RABGAP1L: variants seen among roughly 807,000 people sequenced by gnomAD.
RABGAP1L encodes the protein rab GTPase-activating protein 1-like.
RABGAP1L carries 63 observed loss-of-function variants against 137.7 expected under a neutral mutation model. The observed-to-expected ratio is 0.46, with a 90% CI of 0.37 to 0.56. The LOEUF is 0.56. RABGAP1L is among the 20% of genes least tolerant of loss of function. RABGAP1L has a pLI of 0.00. For missense variants in RABGAP1L, 1,095 were observed against 1,244.0 expected, an observed-to-expected ratio of 0.88 and a Z score of 1.80; for synonymous variants, 431 against 433.7, an observed-to-expected ratio of 0.99 and a Z score of 0.08.
intron 18 of RABGAP1L, among the ~76,000 whole-genome samples, chr1:174,772,500 G>A (rs1238935665): frequency 1.3e-5 from 2 of 148,762 alleles, no homozygotes; most frequent in Non-Finnish European, 3.0e-5. Context: ...CCCGGGAGGC[G>A]GAGCTTGTGG....
chr1:174,625,201 A>G (rs1672855229), intron 13 of RABGAP1L, among the ~76,000 whole-genome samples: 1 of 151,896 alleles, frequency 6.6e-6, no homozygotes, highest in Non-Finnish European at 1.5e-5. Context: ...ATTACTTTTT[A>G]CTAACCAATC....
At chr1:174,438,595 G>C (rs1653711434) in intron 13 of RABGAP1L, among the ~76,000 whole-genome samples, 1 of 151,268 alleles carries the variant, frequency 6.6e-6, no homozygotes, top group Admixed American at 6.6e-5. Flanking sequence ...GTGGGCACCT[G>C]TAATCCCAGC....
intron 15 of RABGAP1L, among the ~76,000 whole-genome samples, chr1:174,696,914 A>G (rs1679303065): frequency 1.3e-5 from 2 of 151,966 alleles, no homozygotes; most frequent in Admixed American, 6.6e-5. Context: ...TTGAGGGAGG[A>G]TGATTGCTGA....
At chr1:174,191,471 T>G (rs1667205232) in intron 1 of RABGAP1L, among the ~76,000 whole-genome samples, 1 of 152,226 alleles carries the variant, frequency 6.6e-6, no homozygotes, top group African/African-American at 2.4e-5. Flanking sequence ...AGTCAGATCA[T>G]GAAACATTGC....
intron 19 of RABGAP1L, among the ~76,000 whole-genome samples, chr1:174,864,494 GTTC>G (rs549051179): frequency 5.3e-4 from 81 of 152,336 alleles, no homozygotes; most frequent in African/African-American, 1.9e-3. Context: ...AAGCAAACAT[GTTC>G]TTCTTCACAT....
intron 14 of RABGAP1L, among the ~76,000 whole-genome samples, chr1:174,644,298 C>A (rs763040847): frequency 6.6e-6 from 1 of 151,848 alleles, no homozygotes; most frequent in Non-Finnish European, 1.5e-5. Context: ...AAGAGCTTTC[C>A]TTGAAATAGC....
intron 11 of RABGAP1L, among the ~76,000 whole-genome samples, chr1:174,349,799 A>C (rs1165851428): frequency 9.6e-6 from 1 of 103,972 alleles, no homozygotes; most frequent in Non-Finnish European, 2.1e-5. Context: ...ACTTCCCAGT[A>C]GGGGCGGCCG....
At chr1:174,352,103 C>T (rs768512259) in intron 11 of RABGAP1L, among the ~76,000 whole-genome samples, 5 of 152,176 alleles carry the variant, frequency 3.3e-5, no homozygotes, top group African/African-American at 4.8e-5. Context: ...CCACCACGCC[C>T]GGCCGGGAAG....
At chr1:174,632,858 G>A (rs1285053244) in intron 13 of RABGAP1L, among the ~76,000 whole-genome samples, 1 of 150,738 alleles carries the variant, frequency 6.6e-6, no homozygotes, top group Non-Finnish European at 1.5e-5. Context: ...GTAGCTCAGA[G>A]TAATTTGATC....
chr1:174,831,479 T>C (rs1573401336), intron 19 of RABGAP1L, among the ~76,000 whole-genome samples: 2 of 148,436 alleles, frequency 1.3e-5, no homozygotes, highest in Middle Eastern at 3.5e-3. Flanking sequence ...CACTGACCAA[T>C]TGAAAATATG....
chr1:174,937,281 G>A (rs933092409), intron 19 of RABGAP1L, among the ~76,000 whole-genome samples: 7 of 136,980 alleles, frequency 5.1e-5, no homozygotes, highest in African/African-American at 1.1e-4. Flanking sequence ...GCCCAGCCAA[G>A]ATTAATTTTT....
chr1:174,319,448 C>A (rs544749702), intron 11 of RABGAP1L, among the ~76,000 whole-genome samples: 1 of 152,182 alleles, frequency 6.6e-6, no homozygotes, highest in South Asian at 2.1e-4. Context: ...TTTATCAAAT[C>A]TTTGGAAATT....
intron 19 of RABGAP1L, among the ~76,000 whole-genome samples, chr1:174,815,168 A>T (rs1410767424): frequency 6.6e-6 from 1 of 152,150 alleles, no homozygotes; most frequent in African/African-American, 2.4e-5. Context: ...ATCTGCCACA[A>T]CCCATGAGAG....
chr1:174,210,254 AAAT>A (rs1668787004), intron 1 of RABGAP1L, among the ~76,000 whole-genome samples: 1 of 152,218 alleles, frequency 6.6e-6, no homozygotes, highest in African/African-American at 2.4e-5. Context: ...CAAAGGAACT[AAAT>A]AAGGCACCAG....
At position 174,848,999 on chromosome 1, in the gene RABGAP1L, G is replaced by A. The variant is rs536682150; in HGVS notation, c.2340+37039G>A. 3.9e-5 allele frequency among the ~76,000 whole-genome samples: 6 copies of A among 152,160 alleles called. No homozygotes were observed. The South Asian group carries it at 6.2e-4, about 16-fold the overall frequency. ...GGGAGTGACCCGATTTTCCAGGTGC[G>A]TCCGTCACCGCTTTCTTTGACTCAG... On this transcript the variant is annotated intron_variant, in intron 19 of 25. Transcript: ENST00000681986.
At chr1:174,767,794 C>A (rs1044099166) in intron 18 of RABGAP1L, among the ~76,000 whole-genome samples, 4 of 151,830 alleles carry the variant, frequency 2.6e-5, no homozygotes, top group East Asian at 1.9e-4. Flanking sequence ...CGAGACTGGG[C>A]AATTTACAAA....
At chr1:174,950,459 A>G (rs555152417) in intron 19 of RABGAP1L, among the ~76,000 whole-genome samples, 78 of 152,304 alleles carry the variant, frequency 5.1e-4, no homozygotes, top group African/African-American at 1.7e-3. Flanking sequence ...TGAAGCCTAT[A>G]GGGCGTGTTC....
intron 19 of RABGAP1L, among the ~76,000 whole-genome samples, chr1:174,881,650 C>T (rs1654238714): frequency 6.6e-6 from 1 of 151,810 alleles, no homozygotes; most frequent in South Asian, 2.1e-4. Flanking sequence ...CAGGTGCTAG[C>T]CACCATGCCC....
chr1:174,339,721 C>T (rs976892260), intron 11 of RABGAP1L, among the ~76,000 whole-genome samples: 4 of 152,048 alleles, frequency 2.6e-5, no homozygotes, highest in Non-Finnish European at 2.9e-5. Context: ...ATTCTCCTGC[C>T]TCAGCCTCCC....
Sources: allele counts gnomAD v4.1 joint callset (sites outside exome capture counted in the v4.1 genomes callset), GRCh38; gene constraint gnomAD v4.1.1; transcripts MANE v1.5; gene names NCBI Gene and HGNC (gene_info 2026-07-23, HGNC 2026-07-21).